RGL1: variants seen among roughly 807,000 people sequenced by gnomAD.
RGL1 encodes ral guanine nucleotide dissociation stimulator-like 1.
A neutral mutation model predicts 95.2 loss-of-function variants in RGL1; 24 were observed. The ratio of observed to expected loss-of-function variants is 0.25; its 90% CI spans 0.18 to 0.35. The LOEUF is 0.35. Ranked by LOEUF, RGL1 falls within the 10% of genes least tolerant of loss-of-function variation. RGL1 has a pLI of 1.00. For synonymous variants in RGL1, 329 were observed against 344.9 expected (o/e 0.95, Z 0.51); for missense variants, 715 against 936.3 (o/e 0.76, Z 3.08).
intron 2 of RGL1, among the ~76,000 whole-genome samples, chr1:183,772,875 G>A (rs1054687053): frequency 6.6e-6 from 1 of 151,242 alleles, no homozygotes; most frequent in Admixed American, 6.6e-5. Context: ...CGGGCGCGGT[G>A]GCGGGCGCCT....
intron 1 of RGL1, among the ~76,000 whole-genome samples, chr1:183,686,493 TA>T (rs796519198): frequency 6.6e-6 from 1 of 152,306 alleles, no homozygotes; most frequent in South Asian, 2.1e-4. Context: ...TTTTGATTTT[TA>T]TTCCTAGTTT....
Position 183,900,188 on chromosome 1 carries a change from C to T in RGL1, c.1269C>T (p.Phe423=). ...GAACTGTGCCCTACCTGGGCACCTT[C>T]CTGACTGACCTGACCATGCTTGACA... ...MQGTVPYLGT[F]LTDLTMLDTA... The change falls in exon 11 of 18, where the codon TTC becomes TTT. Residue 423 remains phenylalanine, a synonymous_variant. Coordinates refer to ENST00000360851, the MANE Select transcript of RGL1 (RefSeq NM_001297671.3). 1 of 1,614,008 alleles carries T rather than the reference C, an allele frequency of 6.2e-7. No homozygotes were observed. Among genetic ancestry groups the T allele is most frequent in the African/African-American group, 1.3e-5 (1 of 75,052 alleles).
intron 15 of RGL1, among the ~76,000 whole-genome samples, chr1:183,915,795 A>G (rs1668925247): frequency 6.6e-6 from 1 of 152,192 alleles, no homozygotes; most frequent in Non-Finnish European, 1.5e-5. Context: ...AGCCTTGGCC[A>G]TGTGCTTGCT....
At chr1:183,822,550 C>T (rs905123227) in intron 2 of RGL1, among the ~76,000 whole-genome samples, 10 of 152,066 alleles carry the variant, frequency 6.6e-5, no homozygotes, top group African/African-American at 2.4e-4. Context: ...CTGTTGGTAG[C>T]CACCCAAAAT....
intron 2 of RGL1, among the ~76,000 whole-genome samples, chr1:183,789,234 A>G (rs1211706946): frequency 1.3e-5 from 2 of 152,102 alleles, no homozygotes. Flanking sequence ...ACCTGAGATC[A>G]GGAGTTCGAG....
At chr1:183,645,818 T>TTC (rs1368247149) in intron 1 of RGL1, among the ~76,000 whole-genome samples, 1 of 152,262 alleles carries the variant, frequency 6.6e-6, no homozygotes. Flanking sequence ...CTTTATGCTC[T>TTC]TCTAACAGTC....
chr1:183,660,137 A>C (rs1651500310), intron 1 of RGL1, among the ~76,000 whole-genome samples: 1 of 152,218 alleles, frequency 6.6e-6, no homozygotes, highest in African/African-American at 2.4e-5. Flanking sequence ...GGCTAGGAAG[A>C]AACTGCATCA....
upstream of RGL1, among the ~76,000 whole-genome samples, chr1:183,802,600 CAAAAAA>C (rs34038144): frequency 1.1e-5 from 1 of 90,068 alleles, no homozygotes; most frequent in Non-Finnish European, 2.2e-5. Context: ...GGTGTATCAG[CAAAAAA>C]AAAAAAAAAA....
intron 1 of RGL1, among the ~76,000 whole-genome samples, chr1:183,705,274 G>C (rs1046737975): frequency 6.6e-6 from 1 of 152,128 alleles, no homozygotes; most frequent in Non-Finnish European, 1.5e-5. Flanking sequence ...CATCGGTTGT[G>C]AGCCCTCGGG....
At chr1:183,922,357 G>C (rs1485633693) in intron 17 of RGL1, 21 bp downstream of exon 17, 1 of 1,576,666 alleles carries the variant, frequency 6.3e-7, no homozygotes, top group Non-Finnish European at 8.7e-7. Flanking sequence ...TTCCGAGACA[G>C]GCATGTTCCT....
intron 1 of RGL1, among the ~76,000 whole-genome samples, chr1:183,669,090 G>T (rs1168702821): frequency 1.3e-5 from 2 of 151,908 alleles, no homozygotes; most frequent in Non-Finnish European, 2.9e-5. Flanking sequence ...TTACAGGCAT[G>T]TGCCACCATG....
chr1:183,878,176 C>G (rs1178436705), intron 4 of RGL1, among the ~76,000 whole-genome samples: 3 of 151,806 alleles, frequency 2.0e-5, no homozygotes, highest in Non-Finnish European at 4.4e-5. Context: ...ATCTATCTAT[C>G]TATCTATCTA....
chr1:183,916,125 A>G (rs375172760), intron 15 of RGL1, among the ~76,000 whole-genome samples: 3 of 152,292 alleles, frequency 2.0e-5, no homozygotes, highest in East Asian at 3.9e-4. Context: ...TTCTTTGGGA[A>G]CCCATATTGC....
chr1:183,876,436 G>T (rs905880069), intron 4 of RGL1, among the ~76,000 whole-genome samples: 3 of 152,182 alleles, frequency 2.0e-5, no homozygotes, highest in Non-Finnish European at 4.4e-5. Context: ...TATCAGTTTT[G>T]GGCCCCTGGC....
At chr1:183,811,396 C>T (rs1357149651) in intron 2 of RGL1, among the ~76,000 whole-genome samples, 2 of 152,114 alleles carry the variant, frequency 1.3e-5, no homozygotes, top group East Asian at 3.8e-4. Flanking sequence ...AGGAGATAAG[C>T]CCTAGAGGAG....
intron 3 of RGL1, among the ~76,000 whole-genome samples, chr1:183,850,470 T>C (rs2102547202): frequency 6.6e-6 from 1 of 152,326 alleles, no homozygotes; most frequent in African/African-American, 2.4e-5. Flanking sequence ...TCTCTCAAAG[T>C]AGTTTACTCG....
intron 2 of RGL1, among the ~76,000 whole-genome samples, chr1:183,832,069 A>G (rs1391612825): frequency 2.0e-5 from 3 of 152,326 alleles, no homozygotes; most frequent in East Asian, 1.9e-4. Context: ...ATCATTTTGT[A>G]TATGGATGAG....
Position 183,805,240 on chromosome 1 carries a change from G to A in RGL1, c.-58G>A. On this transcript the variant is annotated 5_prime_UTR_variant, in exon 1 of 18. Coordinates refer to ENST00000360851, the MANE Select transcript of RGL1 (RefSeq NM_001297671.3). ...CGGGGCTGAGCCCAGCAGACATTGC[G>A]TTGGCCTCCGAGCAGGGCGCATCAT... 1 of 1,601,066 alleles carries A rather than the reference G, an allele frequency of 6.2e-7. No homozygotes were observed. The highest frequency in any genetic ancestry group is 2.3e-5 in the East Asian group (1 of 44,408).
At chr1:183,696,698 A>T (rs898287408) in intron 1 of RGL1, among the ~76,000 whole-genome samples, 1 of 152,104 alleles carries the variant, frequency 6.6e-6, no homozygotes, top group Non-Finnish European at 1.5e-5. Context: ...ATGTTCAAAA[A>T]CAAAACCCGA....
Sources: gnomAD v4.1 joint callset for allele counts (sites outside exome capture counted in the v4.1 genomes callset) on GRCh38, gnomAD v4.1.1 for gene constraint, MANE v1.5 for transcripts, NCBI Gene and HGNC (gene_info 2026-07-23, HGNC 2026-07-21) for gene names.